Variants in VPS41 observed in about 807,000 individuals in gnomAD.
VPS41 encodes the protein VPS41 subunit of HOPS complex.
VPS41 carries 85 observed loss-of-function variants against 130.9 expected under a neutral mutation model. That is an observed-to-expected ratio of 0.65 (90% CI 0.55 to 0.78). VPS41 has a LOEUF of 0.78. Ranked by LOEUF, VPS41 falls within the 30% of genes least tolerant of loss-of-function variation. The pLI is 0.00. For synonymous variants in VPS41, 335 were observed against 332.9 expected (o/e 1.01, Z -0.07); for missense variants, 874 against 1,018.7 (o/e 0.86, Z 1.93).
chr7:38,858,894 C>T (rs534241134), intron 4 of VPS41, among the ~76,000 whole-genome samples: 178 of 151,956 alleles, frequency 1.2e-3, no homozygotes, highest in African/African-American at 4.0e-3. Flanking sequence ...AAGAAGTTAC[C>T]CATAAAACAG....
At chr7:38,784,683 A>G (rs915402904) in intron 10 of VPS41, among the ~76,000 whole-genome samples, 5 of 151,916 alleles carry the variant, frequency 3.3e-5, no homozygotes, top group African/African-American at 1.2e-4. Flanking sequence ...AAGGGGAAGA[A>G]TATAAGAATA....
At chr7:38,740,247 A>G (rs1226688081) in intron 25 of VPS41, among the ~76,000 whole-genome samples, 1 of 152,186 alleles carries the variant, frequency 6.6e-6, no homozygotes, top group Non-Finnish European at 1.5e-5. Context: ...TGAAACCTAG[A>G]GCATATCCTG....
At chr7:38,745,053 G>T (rs549774826) in intron 23 of VPS41, among the ~76,000 whole-genome samples, 1 of 152,246 alleles carries the variant, frequency 6.6e-6, no homozygotes, top group South Asian at 2.1e-4. Flanking sequence ...TTGTTTCTTG[G>T]TATGCATGGT....
chr7:38,831,596 T>C (rs1785388340), intron 4 of VPS41, among the ~76,000 whole-genome samples: 1 of 152,262 alleles, frequency 6.6e-6, no homozygotes, highest in Admixed American at 6.5e-5. Context: ...TATACACGTT[T>C]ATGTAATTTG....
At chr7:38,771,580 C>A (rs1440585957) in intron 13 of VPS41, among the ~76,000 whole-genome samples, 1 of 152,128 alleles carries the variant, frequency 6.6e-6, no homozygotes, top group African/African-American at 2.4e-5. Context: ...CAAAATACAA[C>A]AAAGTCTCCT....
At chr7:38,854,984 G>A (rs1219342395) in intron 4 of VPS41, among the ~76,000 whole-genome samples, 1 of 151,884 alleles carries the variant, frequency 6.6e-6, no homozygotes, top group Admixed American at 6.6e-5. Context: ...GCCGAGGTGG[G>A]CGGATCATGA....
At chr7:38,845,038 T>C (rs764243102) in intron 4 of VPS41, among the ~76,000 whole-genome samples, 14 of 152,162 alleles carry the variant, frequency 9.2e-5, no homozygotes, top group Non-Finnish European at 1.8e-4. Flanking sequence ...TAACAACCTT[T>C]AAAAGCACAG....
chr7:38,844,757 TC>T (rs1223488917), intron 4 of VPS41, among the ~76,000 whole-genome samples: 7 of 152,112 alleles, frequency 4.6e-5, no homozygotes, highest in Admixed American at 4.6e-4. Flanking sequence ...TTTAACCATC[TC>T]CCCCATAAGA....
At chr7:38,899,206 G>A (rs545418390) in intron 1 of VPS41, among the ~76,000 whole-genome samples, 1 of 152,236 alleles carries the variant, frequency 6.6e-6, no homozygotes, top group East Asian at 1.9e-4. Context: ...TGGGTAAAAT[G>A]GGGATATGTT....
chr7:38,812,139 A>G (rs755772543), intron 7 of VPS41, among the ~76,000 whole-genome samples: 1 of 152,128 alleles, frequency 6.6e-6, no homozygotes, highest in Non-Finnish European at 1.5e-5. Context: ...TTCATCTGCC[A>G]TCCCATAACT....
intron 25 of VPS41, among the ~76,000 whole-genome samples, chr7:38,731,721 C>T (rs776395352): frequency 2.0e-5 from 3 of 152,088 alleles, no homozygotes; most frequent in Non-Finnish European, 4.4e-5. Context: ...AGCACTGCTG[C>T]TCTTGATCTG....
At position 38,821,382 on chromosome 7, in the gene VPS41, C is replaced by T. The variant is rs189998959; in HGVS notation, c.322-117G>A. On this transcript the variant is annotated intron_variant, in intron 5 of 28. Transcript: ENST00000310301. Reference sequence around the variant, plus strand: ...AGAATATTTAATAATTTTAAGGCCCCGTGACCTCTATTAAATATCTAATGA... The same window carrying T: ...AGAATATTTAATAATTTTAAGGCCCTGTGACCTCTATTAAATATCTAATGA... 53 of 714,572 alleles carry T rather than the reference C, an allele frequency of 7.4e-5. 2 individuals carry two copies. Among genetic ancestry groups the T allele is most frequent in the South Asian group, 3.6e-4 (20 of 55,012 alleles). The allele number at this position is 714,572 out of a possible 1,614,324, so 44.3% of individuals were successfully genotyped here.
intron 23 of VPS41, among the ~76,000 whole-genome samples, chr7:38,744,518 T>C (rs920436250): frequency 1.3e-5 from 2 of 152,228 alleles, no homozygotes; most frequent in African/African-American, 4.8e-5. Context: ...TAAAAATGTT[T>C]ACAGGATTAT....
chr7:38,736,453 T>C (rs1795768999), intron 25 of VPS41, among the ~76,000 whole-genome samples: 1 of 152,238 alleles, frequency 6.6e-6, no homozygotes, highest in Non-Finnish European at 1.5e-5. Context: ...AAAGTCTCAA[T>C]AGGCTTGTTA....
intron 4 of VPS41, among the ~76,000 whole-genome samples, chr7:38,834,509 G>A (rs2116191816): frequency 6.6e-6 from 1 of 152,248 alleles, no homozygotes; most frequent in Non-Finnish European, 1.5e-5. Context: ...GGAGAAGTCA[G>A]AGAGTTATTA....
chr7:38,767,452 A>G, intron 15 of VPS41, 85 bp downstream of exon 15: 1 of 804,730 alleles, frequency 1.2e-6, no homozygotes, highest in South Asian at 2.3e-5. Context: ...ATAAAATGTC[A>G]ACTGCAAAGA....
chr7:38,775,732 T>G (rs1040759102), intron 11 of VPS41: 1 of 151,946 alleles, frequency 6.6e-6, no homozygotes, highest in African/African-American at 2.4e-5. Flanking sequence ...GGCTTCCTAA[T>G]GCAAGTGCTT....
At chr7:38,745,372 T>C (rs1211693174) in intron 23 of VPS41, among the ~76,000 whole-genome samples, 187 bp downstream of exon 23, 1 of 152,246 alleles carries the variant, frequency 6.6e-6, no homozygotes, top group African/African-American at 2.4e-5. Context: ...TATTTCAACA[T>C]TTATGAAACA....
chr7:38,823,831 G>T (rs1785220149), intron 5 of VPS41, among the ~76,000 whole-genome samples: 1 of 152,026 alleles, frequency 6.6e-6, no homozygotes, highest in African/African-American at 2.4e-5. Flanking sequence ...ATACACATAT[G>T]TCCCCCCCAT....
Sources: gnomAD v4.1 joint callset for allele counts (sites outside exome capture counted in the v4.1 genomes callset) on GRCh38, gnomAD v4.1.1 for gene constraint, MANE v1.5 for transcripts, NCBI Gene and HGNC (gene_info 2026-07-23, HGNC 2026-07-21) for gene names.